CFAP54: variants seen among roughly 807,000 people sequenced by gnomAD.
The protein encoded by CFAP54 is cilia and flagella associated protein 54, also known as cilia- and flagella-associated protein 54.
CFAP54 carries 290 observed loss-of-function variants against 370.4 expected under a neutral mutation model. The observed-to-expected ratio is 0.78, with a 90% CI of 0.71 to 0.86. CFAP54 has a LOEUF of 0.86. Ranked by LOEUF, CFAP54 falls within the 40% of genes least tolerant of loss-of-function variation. The pLI is 0.00. For synonymous variants in CFAP54, 1,206 were observed against 1,236.5 expected (o/e 0.98, Z 0.52); for missense variants, 3,399 against 3,528.7 (o/e 0.96, Z 0.93).
At chr12:96,765,371 A>G (rs1194524123) in intron 60 of CFAP54, 153 bp downstream of exon 60, 1 of 506,560 alleles carries the variant, frequency 2.0e-6, no homozygotes, top group African/African-American at 2.0e-5. Flanking sequence ...CTAGGGCCAA[A>G]ATAGAGGGCT....
At chr12:96,744,535 G>C (rs562279130) in intron 55 of CFAP54, among the ~76,000 whole-genome samples, 3 of 151,992 alleles carry the variant, frequency 2.0e-5, no homozygotes, top group Non-Finnish European at 4.4e-5. Flanking sequence ...ATAATCTGTT[G>C]TCTAGCATAT....
chr12:96,720,642 T>G (rs1957740255), intron 50 of CFAP54, 77 bp downstream of exon 50: 2 of 1,163,564 alleles, frequency 1.7e-6, no homozygotes, highest in Non-Finnish European at 2.2e-6. Context: ...TAGACTTAAA[T>G]TTTATGTAAG....
chr12:96,626,138 C>A (rs1047829366), intron 29 of CFAP54, among the ~76,000 whole-genome samples: 23 of 152,220 alleles, frequency 1.5e-4, no homozygotes, highest in Non-Finnish European at 4.4e-5. Context: ...AATCTCAGCA[C>A]TTTGGGAGGC....
intron 26 of CFAP54, among the ~76,000 whole-genome samples, chr12:96,612,610 C>T (rs1292320774): frequency 6.6e-6 from 1 of 152,192 alleles, no homozygotes; most frequent in African/African-American, 2.4e-5. Flanking sequence ...GATAAAGAGT[C>T]AAGACCCATT....
chr12:96,836,978 C>T (rs926844807), intron 66 of CFAP54, among the ~76,000 whole-genome samples: 1 of 152,154 alleles, frequency 6.6e-6, no homozygotes, highest in Non-Finnish European at 1.5e-5. Context: ...TAGGCACATG[C>T]CACCATGCCC....
chr12:96,656,507 G>C (rs1956925025), intron 36 of CFAP54, among the ~76,000 whole-genome samples: 1 of 152,138 alleles, frequency 6.6e-6, no homozygotes, highest in African/African-American at 2.4e-5. Context: ...TCAGCCTCCT[G>C]AGTAGCTGAG....
intron 5 of CFAP54, among the ~76,000 whole-genome samples, chr12:96,516,587 C>G (rs939481854): frequency 2.6e-5 from 4 of 152,172 alleles, no homozygotes; most frequent in Admixed American, 2.0e-4. Context: ...AAACCTCTTT[C>G]CCTGAAGACA....
At chr12:96,608,094 T>C (rs955766518) in intron 26 of CFAP54, among the ~76,000 whole-genome samples, 11 of 152,130 alleles carry the variant, frequency 7.2e-5, no homozygotes, top group African/African-American at 7.2e-5. Context: ...TTGCAATATA[T>C]GTATTATTAA....
chr12:96,697,101 C>T (rs2216236), intron 45 of CFAP54, among the ~76,000 whole-genome samples: 132,572 of 152,224 alleles, frequency 0.87, 58,101 homozygotes, highest in African/African-American at 0.96. Flanking sequence ...TACCAATGAT[C>T]CTATATTTGT....
At chr12:96,740,514 T>C (rs867337906) in intron 51 of CFAP54, among the ~76,000 whole-genome samples, 2 of 152,236 alleles carry the variant, frequency 1.3e-5, no homozygotes, top group Non-Finnish European at 2.9e-5. Context: ...TGACAACTAA[T>C]GTCACATATT....
intron 43 of CFAP54, among the ~76,000 whole-genome samples, chr12:96,690,462 C>T (rs965594343): frequency 1.2e-4 from 18 of 152,248 alleles, no homozygotes; most frequent in East Asian, 9.6e-4. Context: ...TCTTGTTTCT[C>T]CAACATCTAG....
Position 96,521,937 on chromosome 12 carries a change from AT to A in CFAP54, c.1024del (p.Ser342ArgfsTer10), listed in dbSNP as rs1179344552. 1 of 1,534,982 alleles carries A rather than the reference AT, an allele frequency of 6.5e-7. No individual in the cohort carries two copies. Among genetic ancestry groups the A allele is most frequent in the African/African-American group, 1.4e-5 (1 of 73,178 alleles). Reference sequence around the variant, plus strand: ...TGAGTTCCTCAAAATCCCAGGAAGAATCGCGAAGATATTTTCGAGAGGCCAC... The same window carrying A: ...TGAGTTCCTCAAAATCCCAGGAAGAACGCGAAGATATTTTCGAGAGGCCAC... ...LMSSSKSQEESRRYFREATMK... is the reference protein window; with the variant it reads ...LMSSSKSQEEXRRYFREATMK... On this transcript the variant is annotated frameshift_variant, in exon 7 of 68. Transcript: ENST00000524981. LOFTEE classifies it high-confidence loss of function.
chr12:96,695,963 G>A (rs1957436257), intron 45 of CFAP54, among the ~76,000 whole-genome samples: 1 of 152,204 alleles, frequency 6.6e-6, no homozygotes, highest in Non-Finnish European at 1.5e-5. Context: ...GTTGGTACCT[G>A]CCACTCGGTC....
chr12:96,634,395 T>C (rs895888655), intron 32 of CFAP54, among the ~76,000 whole-genome samples: 1 of 152,122 alleles, frequency 6.6e-6, no homozygotes, highest in Non-Finnish European at 1.5e-5. Context: ...GTATATCCTC[T>C]TTAGTGAAAT....
At chr12:96,711,640 C>A (rs887940987) in intron 48 of CFAP54, among the ~76,000 whole-genome samples, 1 of 152,074 alleles carries the variant, frequency 6.6e-6, no homozygotes, top group African/African-American at 2.4e-5. Context: ...ACTGTTCTCA[C>A]CACATTTTAG....
At position 96,786,925 on chromosome 12, in the gene CFAP54, T is replaced by A. The variant is rs1244207923; in HGVS notation, c.8679+27T>A. 3.5e-6 allele frequency: 5 copies of A among 1,447,046 alleles called. No homozygotes were observed. In the Admixed American group the frequency reaches 6.5e-5, roughly 19 times the overall value. 89.6% of individuals were successfully genotyped at this position (1,447,046 alleles called of 1,614,324 possible). Reference sequence around the variant, plus strand: ...TAACGTTTTTTGAAACATGATATATTTACATAAAACTTCTTGGAATCATCA... The same window carrying A: ...TAACGTTTTTTGAAACATGATATATATACATAAAACTTCTTGGAATCATCA... On this transcript the variant is annotated intron_variant, in intron 62 of 67. Coordinates refer to ENST00000524981, the MANE Select transcript of CFAP54 (RefSeq NM_001306084.2).
intron 63 of CFAP54, among the ~76,000 whole-genome samples, chr12:96,793,053 T>G (rs1958719438): frequency 6.6e-6 from 1 of 152,122 alleles, no homozygotes; most frequent in South Asian, 2.1e-4. Flanking sequence ...TTAAATTTTA[T>G]TATTTTTTAA....
At chr12:96,756,069 G>A (rs1034623050) in intron 56 of CFAP54, among the ~76,000 whole-genome samples, 6 of 152,186 alleles carry the variant, frequency 3.9e-5, no homozygotes, top group African/African-American at 1.4e-4. Flanking sequence ...GAACATGGGA[G>A]GGCAGATGTT....
chr12:96,778,903 T>G (rs1251147872), intron 60 of CFAP54, among the ~76,000 whole-genome samples: 1 of 149,228 alleles, frequency 6.7e-6, no homozygotes, highest in Admixed American at 6.7e-5. Flanking sequence ...AGATCAGGAG[T>G]TCAAGACCAA....
Sources: allele counts gnomAD v4.1 joint callset (sites outside exome capture counted in the v4.1 genomes callset), GRCh38; gene constraint gnomAD v4.1.1; transcripts MANE v1.5; gene names NCBI Gene and HGNC (gene_info 2026-07-23, HGNC 2026-07-21).